Variants in ATXN1 observed in about 807,000 individuals in gnomAD.
The protein encoded by ATXN1 is ataxin 1, also known as ataxin-1.
A neutral mutation model predicts 56.4 loss-of-function variants in ATXN1; 8 were observed. The observed-to-expected ratio is 0.14, with a 90% CI of 0.08 to 0.26. The LOEUF is 0.26. Ranked by LOEUF, ATXN1 falls within the 10% of genes least tolerant of loss-of-function variation. The pLI is 1.00. For missense variants in ATXN1, 987 were observed against 1,106.5 expected, an observed-to-expected ratio of 0.89 and a Z score of 1.53; for synonymous variants, 514 against 494.6, an observed-to-expected ratio of 1.04 and a Z score of -0.52.
At chr6:16,639,900 T>C (rs1298644271) in intron 3 of ATXN1, among the ~76,000 whole-genome samples, 2 of 152,200 alleles carry the variant, frequency 1.3e-5, no homozygotes, top group South Asian at 2.1e-4. Context: ...GATTCACCAA[T>C]TCTCCAACAG....
chr6:16,414,913 G>A (rs1341083743), intron 6 of ATXN1, among the ~76,000 whole-genome samples: 2 of 152,124 alleles, frequency 1.3e-5, no homozygotes, highest in African/African-American at 4.8e-5. Flanking sequence ...ATAGATTTGT[G>A]TTCAGCACAA....
rs1001050769 is a variant in ATXN1, at chr6:16,328,705, T to A, written c.-160-235A>T. On this transcript the variant is annotated intron_variant, in intron 6 of 7. Coordinates refer to ENST00000436367, the MANE Select transcript of ATXN1 (RefSeq NM_001128164.2). This position sits in a 1 kb window ranked among gnomAD's most constrained non-coding sequence, Gnocchi z 6.2. ...GCAGGCAGATCACGAGGTCAGGAGA[T>A]TAAGACCATCCTGGCTAACATGGTG... 2.0e-5 allele frequency among the ~76,000 whole-genome samples: 3 copies of A among 152,012 alleles called. No homozygotes were observed. The highest frequency in any genetic ancestry group is 2.9e-5 in the Non-Finnish European group (2 of 68,014).
chr6:16,624,944 A>G (rs1466625530), intron 3 of ATXN1, among the ~76,000 whole-genome samples: 1 of 152,262 alleles, frequency 6.6e-6, no homozygotes, highest in South Asian at 2.1e-4. Flanking sequence ...CGCAGAATGC[A>G]TCGCTTATCA....
chr6:16,580,049 T>A (rs143040254), intron 4 of ATXN1, among the ~76,000 whole-genome samples: 1 of 152,176 alleles, frequency 6.6e-6, no homozygotes, highest in African/African-American at 2.4e-5. Flanking sequence ...AGCTGCTTCT[T>A]GCTAATAAAA....
rs753831527 is a variant in ATXN1, at chr6:16,327,519, C to T, written c.792G>A (p.Pro264=). 6.2e-6 allele frequency: 10 copies of T among 1,611,754 alleles called. No individual in the cohort carries two copies. Among genetic ancestry groups the T allele is most frequent in the South Asian group, 3.3e-5 (3 of 90,916 alleles). Residue 264 remains proline (P), a synonymous_variant, in exon 7 of 8, where the codon CCG becomes CCA. Coordinates refer to ENST00000436367, the MANE Select transcript of ATXN1 (RefSeq NM_001128164.2). ...GGGGGTGGAGGTGGACGGGGATGGC[C>T]GGAGGAGAGGCGGTGCGGCCGGTGT... is the stretch of plus-strand genomic sequence containing the variant. ...PQNTGRTASP[P]AIPVHLHPHQ...
chr6:16,529,262 C>T (rs1255237336), intron 4 of ATXN1, among the ~76,000 whole-genome samples: 1 of 142,778 alleles, frequency 7.0e-6, no homozygotes, highest in African/African-American at 2.6e-5. Context: ...ACAAAAGTTA[C>T]CCATGACATT....
chr6:16,761,084 A>ACG (rs1395223618), intron 1 of ATXN1: 4 of 354,962 alleles, frequency 1.1e-5, no homozygotes, highest in Non-Finnish European at 1.7e-5. Flanking sequence ...ACACACACAC[A>ACG]CACGCACACA....
chr6:16,526,983 A>G (rs1003462749), intron 4 of ATXN1, among the ~76,000 whole-genome samples: 1 of 151,518 alleles, frequency 6.6e-6, no homozygotes, highest in Non-Finnish European at 1.5e-5. Flanking sequence ...ATCTTGAGTG[A>G]TCCTAGAAAT....
intron 2 of ATXN1, among the ~76,000 whole-genome samples, chr6:16,701,189 AAAG>A (rs956195185): frequency 1.3e-4 from 20 of 152,228 alleles, no homozygotes; most frequent in East Asian, 3.8e-4. Flanking sequence ...ACAGAGGAAA[AAAG>A]AAGATTACCC....
intron 5 of ATXN1, among the ~76,000 whole-genome samples, chr6:16,497,327 A>T (rs1485840138): frequency 2.0e-5 from 3 of 152,158 alleles, no homozygotes; most frequent in African/African-American, 7.2e-5. Context: ...AGAAAAAAAA[A>T]AAAGATTCCC....
chr6:16,496,638 G>A (rs546640007), intron 5 of ATXN1, among the ~76,000 whole-genome samples: 55 of 152,098 alleles, frequency 3.6e-4, no homozygotes, highest in Non-Finnish European at 7.1e-4. Context: ...AGTAAAGGAC[G>A]CTGGCAAGAT....
intron 2 of ATXN1, chr6:16,739,325 A>C (rs1760252879): frequency 6.6e-6 from 1 of 152,638 alleles, no homozygotes; most frequent in Non-Finnish European, 1.5e-5. Context: ...AAATTCTTCC[A>C]ATCCAACAAT....
chr6:16,522,971 T>C (rs1761322454), intron 4 of ATXN1, among the ~76,000 whole-genome samples: 1 of 152,238 alleles, frequency 6.6e-6, no homozygotes, highest in African/African-American at 2.4e-5. Context: ...CATATTGTGG[T>C]GCCCAAGAAA....
intron 4 of ATXN1, among the ~76,000 whole-genome samples, chr6:16,541,472 C>T (rs973932472): frequency 1.2e-4 from 19 of 152,178 alleles, no homozygotes; most frequent in African/African-American, 4.1e-4. Context: ...GGGCTGATCA[C>T]TGGAAACAGG....
At chr6:16,482,916 C>T (rs558704045) in intron 6 of ATXN1, among the ~76,000 whole-genome samples, 3 of 152,168 alleles carry the variant, frequency 2.0e-5, no homozygotes, top group Non-Finnish European at 4.4e-5. Context: ...TTGGCCTCAT[C>T]TAAGGCTGAT....
At chr6:16,665,069 T>C (rs1387115434) in intron 2 of ATXN1, among the ~76,000 whole-genome samples, 1 of 152,208 alleles carries the variant, frequency 6.6e-6, no homozygotes, top group East Asian at 1.9e-4. Flanking sequence ...TTCTCTTCTG[T>C]GCCTCTGAAT....
intron 2 of ATXN1, among the ~76,000 whole-genome samples, chr6:16,706,213 C>T (rs1426801523): frequency 2.6e-5 from 4 of 152,178 alleles, no homozygotes; most frequent in African/African-American, 9.7e-5. Flanking sequence ...CAACCTGACT[C>T]AGGTATGAAA....
chr6:16,393,520 C>T (rs1233996982), intron 6 of ATXN1, among the ~76,000 whole-genome samples: 1 of 152,132 alleles, frequency 6.6e-6, no homozygotes, highest in Non-Finnish European at 1.5e-5. Context: ...TAGGTGTGAA[C>T]CATCATGATG....
At chr6:16,435,509 A>T (rs992108642) in intron 6 of ATXN1, among the ~76,000 whole-genome samples, 6 of 152,116 alleles carry the variant, frequency 3.9e-5, no homozygotes, top group African/African-American at 1.2e-4. Flanking sequence ...GGTGTTCAGG[A>T]AGCCAAGGGA....
Sources: gnomAD v4.1 joint callset for allele counts (sites outside exome capture counted in the v4.1 genomes callset) on GRCh38, gnomAD v4.1.1 for gene constraint, Gnocchi (gnomAD v3.1) non-coding constraint, MANE v1.5 for transcripts, NCBI Gene and HGNC (gene_info 2026-07-23, HGNC 2026-07-21) for gene names.